PCDH17: variants seen among roughly 807,000 people sequenced by gnomAD.
PCDH17 encodes the protein protocadherin-17.
In PCDH17, 21 loss-of-function variants were observed where a neutral mutation model predicts 67.7. The observed-to-expected ratio is 0.31, with a 90% CI of 0.22 to 0.45. The LOEUF (loss-of-function observed/expected upper bound fraction) is 0.45, where lower values mean the gene tolerates loss of function less well. Ranked by LOEUF, PCDH17 falls within the 20% of genes least tolerant of loss-of-function variation. The probability of loss-of-function intolerance (pLI) is 1.00; values close to 1 mark genes in which losing one functional copy is unlikely to be tolerated. For synonymous variants in PCDH17, 701 were observed against 656.7 expected, an observed-to-expected ratio of 1.07 and a Z score of -1.03; for missense variants, 1,471 against 1,564.8, an observed-to-expected ratio of 0.94 and a Z score of 1.01.
chr13:57,670,325 GC>G (rs1393294796), intron 3 of PCDH17, among the ~76,000 whole-genome samples: 1 of 151,682 alleles, frequency 6.6e-6, no homozygotes, highest in East Asian at 1.9e-4. Flanking sequence ...GATGATGACA[GC>G]CATATCCAAA....
chr13:57,721,775 T>A (rs1955873862), intron 3 of PCDH17, among the ~76,000 whole-genome samples: 1 of 152,104 alleles, frequency 6.6e-6, no homozygotes, highest in South Asian at 2.1e-4. Flanking sequence ...TTTTGCTTCT[T>A]TCCCTTTCTA....
intron 1 of PCDH17, among the ~76,000 whole-genome samples, chr13:57,665,573 A>C (rs564977799): frequency 1.3e-5 from 2 of 152,274 alleles, no homozygotes; most frequent in South Asian, 4.1e-4. Flanking sequence ...GAAGTGATGC[A>C]GGAAACAGGA....
chr13:57,656,900 G>A (rs1341765361), intron 1 of PCDH17, among the ~76,000 whole-genome samples: 1 of 152,050 alleles, frequency 6.6e-6, no homozygotes, highest in African/African-American at 2.4e-5. Flanking sequence ...AGTATTTAGT[G>A]GCATCTCAGT....
intron 3 of PCDH17, among the ~76,000 whole-genome samples, chr13:57,686,620 G>A (rs1214573753): frequency 6.6e-6 from 1 of 151,908 alleles, no homozygotes; most frequent in African/African-American, 2.4e-5. Flanking sequence ...TTGGCAATTA[G>A]ATGGATATGA....
At chr13:57,644,194 A>T (rs1382585748) in intron 1 of PCDH17, among the ~76,000 whole-genome samples, 1 of 151,602 alleles carries the variant, frequency 6.6e-6, no homozygotes. Flanking sequence ...GTTTATCCCT[A>T]TATGGTCATA....
chr13:57,692,140 A>G lies in PCDH17; in HGVS notation c.2797+25307A>G, dbSNP rs1033077203. Among the ~76,000 whole-genome samples, 7 of 151,214 alleles carry G rather than the reference A, an allele frequency of 4.6e-5. No individual in the cohort carries two copies. In the South Asian group the frequency reaches 6.2e-4, roughly 13 times the overall value. Reference sequence around the variant, plus strand: ...TTCTTTTCATCCTCTATTTTCTGGTATCCAAACAGTGATATTTAGCATTTC... The same window carrying G: ...TTCTTTTCATCCTCTATTTTCTGGTGTCCAAACAGTGATATTTAGCATTTC... On this transcript the variant is annotated intron_variant, in intron 3 of 3. Coordinates refer to ENST00000377918, the MANE Select transcript of PCDH17 (RefSeq NM_001040429.3).
intron 3 of PCDH17, among the ~76,000 whole-genome samples, chr13:57,675,475 A>G (rs980518296): frequency 6.6e-6 from 1 of 151,946 alleles, no homozygotes; most frequent in Non-Finnish European, 1.5e-5. Flanking sequence ...CATATAAACT[A>G]TGAGGTCAGT....
At chr13:57,630,220 T>A (rs1167734044), upstream of PCDH17, among the ~76,000 whole-genome samples, 2 of 152,194 alleles carry the variant, frequency 1.3e-5, no homozygotes, top group African/African-American at 4.8e-5. Context: ...ATTTTCACCT[T>A]TCCTTTCATC....
intron 3 of PCDH17, among the ~76,000 whole-genome samples, chr13:57,709,997 A>G (rs932406062): frequency 1.3e-5 from 2 of 151,944 alleles, no homozygotes; most frequent in African/African-American, 4.8e-5. Context: ...CAGATTTTTA[A>G]TATTTGTTAT....
At position 57,693,868 on chromosome 13, in the gene PCDH17, T is replaced by A. The variant is rs535724693; in HGVS notation, c.2797+27035T>A. On this transcript the variant is annotated intron_variant, in intron 3 of 3. Transcript: ENST00000377918. ...CATGTTTAGATTTCATCTTTCTATA[T>A]AAGTTATGTCTTCAGAGACCAGTTA... Among the ~76,000 whole-genome samples the A allele has an allele frequency of 2.0e-5, 3 of 151,272 alleles. No individual in the cohort carries two copies. In the South Asian group the frequency reaches 6.2e-4, roughly 31 times the overall value.
upstream of PCDH17, among the ~76,000 whole-genome samples, chr13:57,631,325 G>C (rs1412254229): frequency 1.3e-5 from 2 of 152,114 alleles, no homozygotes; most frequent in Non-Finnish European, 2.9e-5. Context: ...CCCTTCTAGC[G>C]AGAGACAGGG....
intron 3 of PCDH17, among the ~76,000 whole-genome samples, chr13:57,678,932 T>A (rs1215051170): frequency 6.6e-6 from 1 of 151,560 alleles, no homozygotes; most frequent in African/African-American, 2.4e-5. Context: ...ATTTTTCTGA[T>A]CTTAGAAAGG....
chr13:57,690,843 A>G (rs1290313002), intron 3 of PCDH17, among the ~76,000 whole-genome samples: 2 of 151,530 alleles, frequency 1.3e-5, no homozygotes, highest in Non-Finnish European at 3.0e-5. Context: ...TAAGCACAGC[A>G]TGTTCACTAA....
chr13:57,657,508 C>T (rs1396470132), intron 1 of PCDH17, among the ~76,000 whole-genome samples: 1 of 152,178 alleles, frequency 6.6e-6, no homozygotes, highest in Non-Finnish European at 1.5e-5. Flanking sequence ...CCTACTTCAG[C>T]AATGTAGAAA....
intron 3 of PCDH17, among the ~76,000 whole-genome samples, chr13:57,677,227 A>T (rs912824957): frequency 2.0e-5 from 3 of 151,896 alleles, no homozygotes; most frequent in African/African-American, 7.2e-5. Context: ...GGGACTTATG[A>T]AACCTATTTT....
chr13:57,691,098 T>C (rs1955554379), intron 3 of PCDH17, among the ~76,000 whole-genome samples: 1 of 151,432 alleles, frequency 6.6e-6, no homozygotes, highest in African/African-American at 2.4e-5. Flanking sequence ...AATTCTTTGG[T>C]GACTACCAAT....
In PCDH17 at chr13:57,633,213, C is replaced by G. The variant is rs772695286; in HGVS notation, c.667C>G (p.Arg223Gly). 111 of 1,613,140 alleles carry G rather than the reference C, an allele frequency of 6.9e-5. No homozygotes were observed. The highest frequency in any genetic ancestry group is 1.6e-4 in the Middle Eastern group (1 of 6,084). Residue 223 changes from arginine to glycine, a missense_variant, in exon 1 of 4, where the codon CGT (arginine) becomes GGT (glycine). Physicochemically the swap from Arg to Gly is moderately radical, Grantham distance 125. Coordinates refer to ENST00000377918, the MANE Select transcript of PCDH17 (RefSeq NM_001040429.3). This position sits in a 1 kb window ranked among gnomAD's most constrained non-coding sequence, Gnocchi z 6.2. ...LTALDGGEPP[R>G]SATVQINVKV... ...TGCCCTGGACGGTGGCGAGCCTCCA[C>G]GTTCCGCCACCGTACAGATCAACGT... is the stretch of plus-strand genomic sequence containing the variant.
intron 1 of PCDH17, among the ~76,000 whole-genome samples, chr13:57,650,345 G>A (rs538303585): frequency 7.9e-5 from 12 of 151,436 alleles, no homozygotes; most frequent in African/African-American, 2.9e-4. Context: ...GGCACGGCTG[G>A]TCTACTGCCT....
chr13:57,712,670 T>C (rs1955786892), intron 3 of PCDH17, among the ~76,000 whole-genome samples: 1 of 151,600 alleles, frequency 6.6e-6, no homozygotes, highest in African/African-American at 2.4e-5. Context: ...CACTTATTTC[T>C]AAGATTGAAT....
Sources: gnomAD v4.1 joint callset for allele counts (sites outside exome capture counted in the v4.1 genomes callset) on GRCh38, gnomAD v4.1.1 for gene constraint, Gnocchi (gnomAD v3.1) non-coding constraint, MANE v1.5 for transcripts, NCBI Gene and HGNC (gene_info 2026-07-23, HGNC 2026-07-21) for gene names.